The following TUBAL3 variants were observed in gnomAD, a reference collection of about 807,000 sequenced individuals.
TUBAL3 encodes tubulin alpha like 3, also known as tubulin alpha chain-like 3.
In TUBAL3, 16 loss-of-function variants were observed where a neutral mutation model predicts 15.5. The ratio of observed to expected loss-of-function variants is 1.04; its 90% CI spans 0.70 to 1.57. The LOEUF (loss-of-function observed/expected upper bound fraction) is 1.57. Among genes scored for constraint, TUBAL3 ranks in the 40% most tolerant of loss-of-function variants. The probability of loss-of-function intolerance (pLI) is 0.00; values close to 1 mark genes in which losing one functional copy is unlikely to be tolerated. For synonymous variants in TUBAL3, 238 were observed against 224.3 expected, an observed-to-expected ratio of 1.06 and a Z score of -0.55; for missense variants, 609 against 576.2, an observed-to-expected ratio of 1.06 and a Z score of -0.58.
intron 1 of TUBAL3, among the ~76,000 whole-genome samples, chr10:5,401,531 C>A (rs902488987): frequency 4.0e-5 from 6 of 151,560 alleles, no homozygotes; most frequent in Non-Finnish European, 8.8e-5. Context: ...AAACTAAAAT[C>A]AATATATAGC....
rs111836262 is a variant in TUBAL3 at position 5,397,897 on chromosome 10, C to A, written c.248-2422G>T. Among the ~76,000 whole-genome samples, 5 of 152,274 alleles carry A rather than the reference C, an allele frequency of 3.3e-5. No homozygotes were observed. The highest frequency in any genetic ancestry group is 1.2e-4 in the African/African-American group (5 of 41,554). On this transcript the variant is annotated intron_variant, in intron 2 of 3. Transcript: ENST00000380419. The surrounding 1 kb of genome is among the most constrained non-coding windows in gnomAD (Gnocchi z 4.9). ...CCAGACTCATCCCCTGCTTTGAGCTCCTGCTCACACCTATGCCTGGCCAAG... is the reference window on the plus strand; with the variant it reads ...CCAGACTCATCCCCTGCTTTGAGCTACTGCTCACACCTATGCCTGGCCAAG...
rs115615637 is a variant in TUBAL3 at position 5,394,134 on chromosome 10, C to T, written c.724G>A (p.Val242Ile). ...CGGAGGGAGGCAGTGATGGAAGATA[C>T]CACCTGAACCACCAATCTATTGATG... ...ASINRLVVQV[V>I]SSITASLRFE... Residue 242 changes from valine (V) to isoleucine (I), a missense_variant, in exon 4 of 4, where the codon GTA (valine) becomes ATA (isoleucine). By Grantham distance (29) the Val-to-Ile change is conservative (BLOSUM62 3). Coordinates refer to ENST00000380419, the MANE Select transcript of TUBAL3 (RefSeq NM_024803.3). The surrounding 1 kb of genome is among the most constrained non-coding windows in gnomAD (Gnocchi z 4.3). 2,481 of 1,614,190 alleles carry T rather than the reference C, an allele frequency of 1.5e-3. 9 individuals carry two copies. The highest frequency in any genetic ancestry group is 7.9e-3 in the Middle Eastern group (48 of 6,062).
rs1554814209 is a variant in TUBAL3, at chr10:5,397,014, CAT to C, written c.248-1541_248-1540del. 6.6e-6 allele frequency among the ~76,000 whole-genome samples: 1 copy of C among 152,172 alleles called. No individual in the cohort carries two copies. Among genetic ancestry groups the C allele is most frequent in the Non-Finnish European group, 1.5e-5 (1 of 68,042 alleles). ...CTACCCCATTGAGCTGTTACGAGAA[CAT>C]AGGGCACAACGCACGGCCCATATAA... On this transcript the variant is annotated intron_variant, in intron 2 of 3. Coordinates refer to ENST00000380419, the MANE Select transcript of TUBAL3 (RefSeq NM_024803.3). The surrounding 1 kb of genome is among the most constrained non-coding windows in gnomAD (Gnocchi z 4.9).
intron 1 of TUBAL3, among the ~76,000 whole-genome samples, chr10:5,404,164 A>T (rs553524642): frequency 2.6e-5 from 4 of 152,362 alleles, no homozygotes; most frequent in African/African-American, 9.6e-5. Context: ...GTGAGAAATC[A>T]AAGATCAAGA....
In TUBAL3 at chr10:5,393,258, C is replaced by G. The variant is rs1554813649; in HGVS notation, c.*259G>C. On this transcript the variant is annotated 3_prime_UTR_variant, in exon 4 of 4. Transcript: ENST00000380419. ...TCTTGGTAAAACAAAAAAATCCCAC[C>G]TAGAAGTGACTCAGCAGTTCAAAGG... 1 of 385,692 alleles carries G rather than the reference C, an allele frequency of 2.6e-6. No homozygotes were observed. The highest frequency in any genetic ancestry group is 3.9e-5 in the East Asian group (1 of 25,414). 23.9% of individuals were successfully genotyped at this position (385,692 alleles called of 1,614,324 possible). A position where few individuals can be genotyped will look rare whatever the true frequency, so the allele number is the denominator to read the frequency against.
chr10:5,396,081 C>G lies in TUBAL3; in HGVS notation c.248-606G>C, dbSNP rs1831759766. 6.6e-6 allele frequency among the ~76,000 whole-genome samples: 1 copy of G among 152,184 alleles called. No individual in the cohort carries two copies. Among genetic ancestry groups the G allele is most frequent in the Non-Finnish European group, 1.5e-5 (1 of 68,036 alleles). The stretch of plus-strand genomic sequence containing the variant: ...CAAAGACCCTGTTTCCAAATAAAGT[C>G]ACATTCTGGGATTGCAGATGGGTAT... On this transcript the variant is annotated intron_variant, in intron 2 of 3. Transcript: ENST00000380419. This position sits in a 1 kb window ranked among gnomAD's most constrained non-coding sequence, Gnocchi z 5.1.
At chr10:5,402,894 T>C (rs1554814767) in intron 1 of TUBAL3, among the ~76,000 whole-genome samples, 1 of 152,164 alleles carries the variant, frequency 6.6e-6, no homozygotes, top group Non-Finnish European at 1.5e-5. Context: ...CAAAACTGGT[T>C]CCTGGTGCCA....
Position 5,404,794 on chromosome 10 carries a change from C to G in TUBAL3, c.-2G>C, listed in dbSNP as rs781942013. On this transcript the variant is annotated 5_prime_UTR_variant, in exon 1 of 4. Transcript: ENST00000380419. ...CATAGGCGTGTAGTCACTTACCATG[C>G]TGATGAGAACGTGCCCTTCCTGCCC... 2 of 1,613,628 alleles carry G rather than the reference C, an allele frequency of 1.2e-6. No homozygotes were observed. Among genetic ancestry groups the G allele is most frequent in the South Asian group, 2.2e-5 (2 of 91,014 alleles).
rs139186059 is a variant in TUBAL3 at position 5,400,884 on chromosome 10, C to T, written c.207G>A (p.Val69=). 5.6e-6 allele frequency: 9 copies of T among 1,614,088 alleles called. No homozygotes were observed. Among genetic ancestry groups the T allele is most frequent in the Admixed American group, 5.0e-5 (3 of 60,012 alleles). ...FFCETRAGKH[V]PRALFVDLEP... is the part of the protein sequence containing the mutation. ...CCAAGTCCACGAAGAGTGCTCTAGG[C>T]ACATGCTTCCCAGCTCTTGTCTCAC... The change falls in exon 2 of 4, where the codon GTG becomes GTA. Residue 69 remains valine, a synonymous_variant. Transcript: ENST00000380419.
Position 5,404,825 on chromosome 10 carries a change from T to C in TUBAL3, c.-33A>G, listed in dbSNP as rs781831967. The C allele has an allele frequency of 1.1e-5, 17 of 1,611,962 alleles. No individual in the cohort carries two copies. Among genetic ancestry groups the C allele is most frequent in the East Asian group, 2.2e-5 (1 of 44,866 alleles). ...AGAACGTGCCCTTCCTGCCCTGTAG[T>C]AATGACTGAGGAGCCTCCCAGCTGA... On this transcript the variant is annotated 5_prime_UTR_variant, in exon 1 of 4. Transcript: ENST00000380419.
rs149030047 is a variant in TUBAL3 at position 5,393,720 on chromosome 10, G to A, written c.1138C>T (p.Arg380Trp). The change falls in exon 4 of 4, where the codon CGG becomes TGG. Residue 380 changes from arginine to tryptophan, a missense_variant. Transcript: ENST00000380419. ...GTGTTGCTCAGCATGCAGATGGACC[G>A]GTGGACTTTGGCCAGGTCCCCACCC... is the stretch of plus-strand genomic sequence containing the variant. ...MPGGDLAKVHRSICMLSNTTA... is the reference protein window; with the variant it reads ...MPGGDLAKVHWSICMLSNTTA... 1.9e-4 allele frequency: 306 copies of A among 1,614,176 alleles called. No individual in the cohort carries two copies. The highest frequency in any genetic ancestry group is 3.3e-4 in the Middle Eastern group (2 of 6,062).
chr10:5,394,835 G>A lies in TUBAL3; in HGVS notation c.397-374C>T, dbSNP rs938119755. On this transcript the variant is annotated intron_variant, in intron 3 of 3. Coordinates refer to ENST00000380419, the MANE Select transcript of TUBAL3 (RefSeq NM_024803.3). The surrounding 1 kb of genome is among the most constrained non-coding windows in gnomAD (Gnocchi z 4.3). ...CTCCATCTGGCATGCTGGTGTAAAA[G>A]GTGTTGTAGTAGCTAACAAATATGA... Among the ~76,000 whole-genome samples the A allele has an allele frequency of 6.6e-6, 1 of 152,158 alleles. No homozygotes were observed. The highest frequency in any genetic ancestry group is 1.5e-5 in the Non-Finnish European group (1 of 68,038).
intron 1 of TUBAL3, 53 bp from the exon 2 acceptor site, chr10:5,401,140 A>C: frequency 6.3e-7 from 1 of 1,599,600 alleles, no homozygotes; most frequent in South Asian, 1.1e-5. Context: ...AAAACAGGAG[A>C]TCTGTTACTC....
In TUBAL3 at chr10:5,401,080, C is replaced by T. The variant is rs1831845015; in HGVS notation, c.11G>A (p.Cys4Tyr). The change falls in exon 2 of 4, where the codon TGC becomes TAC. Residue 4 changes from cysteine (C) to tyrosine (Y), a missense_variant. Coordinates refer to ENST00000380419, the MANE Select transcript of TUBAL3 (RefSeq NM_024803.3). ...AGCTTGACCGATGTGGATGGAAAGG[C>T]ACTCCCTCTAAAATAAGTCATGGTG... MRE[C>Y]LSIHIGQAGI... 3 of 1,614,050 alleles carry T rather than the reference C, an allele frequency of 1.9e-6. No homozygotes were observed. Among genetic ancestry groups the T allele is most frequent in the Non-Finnish European group, 2.5e-6 (3 of 1,180,008 alleles).
rs1329204747 is a variant in TUBAL3 at position 5,394,178 on chromosome 10, T to G, written c.680A>C (p.Glu227Ala). Residue 227 changes from glutamate to alanine, a missense_variant, in exon 4 of 4, where the codon GAA (glutamate) becomes GCA (alanine). Glu to Ala is a moderately radical substitution (Grantham distance 107). Transcript: ENST00000380419. The surrounding 1 kb of genome is among the most constrained non-coding windows in gnomAD (Gnocchi z 4.3). Reference protein sequence around the residue: ...YDICHRKLGVECPSHASINRL... With the variant: ...YDICHRKLGVACPSHASINRL... The stretch of plus-strand genomic sequence containing the variant: ...ATTGATGCTGGCATGAGAGGGGCAT[T>G]CAACACCGAGTTTACGATGGCATAT... The G allele has an allele frequency of 1.2e-6, 2 of 1,614,012 alleles. No homozygotes were observed. Among genetic ancestry groups the G allele is most frequent in the African/African-American group, 2.7e-5 (2 of 74,900 alleles).
chr10:5,398,912 C>T (rs1831806986), intron 2 of TUBAL3, among the ~76,000 whole-genome samples: 1 of 152,116 alleles, frequency 6.6e-6, no homozygotes, highest in Non-Finnish European at 1.5e-5. Flanking sequence ...ATATACAATA[C>T]AATTAACTTT....
In TUBAL3 at chr10:5,393,558, C is replaced by T. The variant is rs374827653; in HGVS notation, c.1300G>A (p.Ala434Thr). Reference sequence around the variant, plus strand: ...ACTTCCTCATAGTCCCTCTCCAGGGCTGCCAGATCTTCCCTGGCCTCCAAG... The same window carrying T: ...ACTTCCTCATAGTCCCTCTCCAGGGTTGCCAGATCTTCCCTGGCCTCCAAG... ...EFLEAREDLA[A>T]LERDYEEVAQ... Residue 434 changes from alanine (A) to threonine (T), a missense_variant, in exon 4 of 4, where the codon GCC becomes ACC. By Grantham distance (58) the Ala-to-Thr change is moderately conservative. Transcript: ENST00000380419. The T allele has an allele frequency of 1.9e-6, 3 of 1,613,516 alleles. No individual in the cohort carries two copies. The African/African-American group carries it at 4.0e-5, about 22-fold the overall frequency.
intron 1 of TUBAL3, among the ~76,000 whole-genome samples, chr10:5,401,945 A>T (rs1588415308): frequency 6.6e-6 from 1 of 152,192 alleles, no homozygotes; most frequent in Non-Finnish European, 1.5e-5. Flanking sequence ...ATGTTACATC[A>T]ACACAATGAC....
rs1164579085 is a variant in TUBAL3, at chr10:5,404,772, A to G, written c.3+18T>C. 3 of 1,613,304 alleles carry G rather than the reference A, an allele frequency of 1.9e-6. No individual in the cohort carries two copies. The highest frequency in any genetic ancestry group is 4.5e-5 in the East Asian group (2 of 44,868). ...AGTAAAATTTCCTACAACAATGCAT[A>G]GGCGTGTAGTCACTTACCATGCTGA... On this transcript the variant is annotated intron_variant, in intron 1 of 3. Coordinates refer to ENST00000380419, the MANE Select transcript of TUBAL3 (RefSeq NM_024803.3).
Sources: allele counts gnomAD v4.1 joint callset (sites outside exome capture counted in the v4.1 genomes callset), GRCh38; gene constraint gnomAD v4.1.1; non-coding constraint Gnocchi (gnomAD v3.1); transcripts MANE v1.5; gene names NCBI Gene and HGNC (gene_info 2026-07-23, HGNC 2026-07-21).